The following PPP1R16B variants were observed in gnomAD, a reference collection of about 807,000 sequenced individuals.
PPP1R16B encodes the protein protein phosphatase 1 regulatory subunit 16B, also known as protein phosphatase 1 regulatory inhibitor subunit 16B.
In PPP1R16B, 14 loss-of-function variants were observed where a neutral mutation model predicts 61.7. That is an observed-to-expected ratio of 0.23 (90% CI 0.15 to 0.35). The LOEUF is 0.35. Ranked by LOEUF, PPP1R16B falls within the 10% of genes least tolerant of loss-of-function variation. The pLI, the probability that PPP1R16B is intolerant of heterozygous loss-of-function variation, is 1.00. For synonymous variants in PPP1R16B, 266 were observed against 305.3 expected (o/e 0.87, Z 1.34); for missense variants, 547 against 752.5 (o/e 0.73, Z 3.19).
chr20:38,827,388 C>T (rs1285768963), intron 1 of PPP1R16B, among the ~76,000 whole-genome samples: 7 of 152,350 alleles, frequency 4.6e-5, no homozygotes, highest in South Asian at 2.1e-4. Flanking sequence ...GTTGTTTCAT[C>T]ACTCTTTGTT....
intron 10 of PPP1R16B, among the ~76,000 whole-genome samples, chr20:38,912,930 C>T (rs183279154): frequency 2.0e-5 from 3 of 152,256 alleles, no homozygotes; most frequent in East Asian, 3.9e-4. Flanking sequence ...AGTGCAGTGG[C>T]GCAAACTTCG....
At position 38,921,617 on chromosome 20, in the gene PPP1R16B, G is replaced by C. The variant is rs2145793617; in HGVS notation, c.*2951G>C. The stretch of plus-strand genomic sequence containing the variant: ...TATAGATGCTGGATCTTGGGTTCCA[G>C]GCAGACATCATCCAGGTCCATCTGG... On this transcript the variant is annotated 3_prime_UTR_variant, in exon 11 of 11. Transcript: ENST00000299824. The C allele has an allele frequency of 6.6e-6, 1 of 152,310 alleles. No homozygotes were observed. Among genetic ancestry groups the C allele is most frequent in the Middle Eastern group, 3.4e-3 (1 of 294 alleles). 9.4% of individuals were successfully genotyped at this position (152,310 alleles called of 1,614,324 possible).
chr20:38,882,848 A>G (rs2085212706), intron 2 of PPP1R16B, among the ~76,000 whole-genome samples: 1 of 152,212 alleles, frequency 6.6e-6, no homozygotes, highest in Non-Finnish European at 1.5e-5. Context: ...AAGAATGGGA[A>G]GAAAGAAGGC....
chr20:38,907,983 T>A lies in PPP1R16B; in HGVS notation c.1029-45T>A, dbSNP rs769632986. ...AGGAGTCCCTGTGTGTGCTCCTGCC[T>A]GTGGTGCCTGGGTGCAGCCTCTAGG... On this transcript the variant is annotated intron_variant, in intron 9 of 10. Coordinates refer to ENST00000299824, the MANE Select transcript of PPP1R16B (RefSeq NM_015568.4). The surrounding 1 kb of genome is among the most constrained non-coding windows in gnomAD (Gnocchi z 4.5). The A allele has an allele frequency of 3.1e-6, 5 of 1,613,998 alleles. No individual in the cohort carries two copies. The highest frequency in any genetic ancestry group is 4.2e-6 in the Non-Finnish European group (5 of 1,179,912).
chr20:38,832,635 T>C (rs1326423358), intron 1 of PPP1R16B, among the ~76,000 whole-genome samples: 1 of 152,162 alleles, frequency 6.6e-6, no homozygotes, highest in Non-Finnish European at 1.5e-5. Context: ...AAAGTAAACA[T>C]GTGCCAGGCG....
intron 2 of PPP1R16B, among the ~76,000 whole-genome samples, chr20:38,873,707 C>G (rs1248193733): frequency 6.6e-6 from 1 of 151,326 alleles, no homozygotes; most frequent in Admixed American, 6.6e-5. Context: ...ACAGGTGATC[C>G]AAGGGGCAAG....
chr20:38,860,478 C>T (rs2145736591), intron 2 of PPP1R16B, among the ~76,000 whole-genome samples: 1 of 152,364 alleles, frequency 6.6e-6, no homozygotes, highest in East Asian at 1.9e-4. Context: ...GTGTCATGGC[C>T]ACACATGGCT....
intron 1 of PPP1R16B, among the ~76,000 whole-genome samples, chr20:38,829,069 C>T (rs1182637386): frequency 6.6e-6 from 1 of 152,156 alleles, no homozygotes; most frequent in Non-Finnish European, 1.5e-5. Flanking sequence ...TCTCTGCTTC[C>T]CCAGATATGC....
rs2145766445 is a variant in PPP1R16B at position 38,895,797 on chromosome 20, C to CCTTCTTTCTCTCCTCCCTCCCTCCTTT, written c.467+105_467+106insCCCTCCTTTCTTCTTTCTCTCCTCCCT. On this transcript the variant is annotated intron_variant, in intron 4 of 10. Transcript: ENST00000299824. Reference sequence around the variant, plus strand: ...TTCTTTCTCTCCTCCCTCCCTCCTTCCTTCTTTCTCTCCTCCCTTCCTCCT... The same window carrying CCTTCTTTCTCTCCTCCCTCCCTCCTTT: ...TTCTTTCTCTCCTCCCTCCCTCCTTCCTTCTTTCTCTCCTCCCTCCCTCCTTTCTTCTTTCTCTCCTCCCTTCCTCCT... 5.4e-6 allele frequency: 7 copies of CCTTCTTTCTCTCCTCCCTCCCTCCTTT among 1,305,520 alleles called. 2 individuals are homozygous for CCTTCTTTCTCTCCTCCCTCCCTCCTTT. In the African/African-American group the frequency reaches 1.1e-4, roughly 20 times the overall value. The allele number at this position is 1,305,520 out of a possible 1,614,324, so 80.9% of individuals were successfully genotyped here. A position where few individuals can be genotyped will look rare whatever the true frequency, so the allele number is the denominator to read the frequency against.
At chr20:38,840,491 G>C (rs552768688) in intron 2 of PPP1R16B, among the ~76,000 whole-genome samples, 161 of 152,180 alleles carry the variant, frequency 1.1e-3, no homozygotes, top group Non-Finnish European at 1.8e-3. Context: ...GGCGACGCCA[G>C]CTCCACCAAG....
At chr20:38,877,044 C>T (rs1412281039) in intron 2 of PPP1R16B, among the ~76,000 whole-genome samples, 1 of 152,098 alleles carries the variant, frequency 6.6e-6, no homozygotes, top group African/African-American at 2.4e-5. Context: ...ATATATCAAG[C>T]ATTTTCCCAT....
chr20:38,854,966 T>C (rs569002260), intron 2 of PPP1R16B, among the ~76,000 whole-genome samples: 64 of 152,234 alleles, frequency 4.2e-4, no homozygotes, highest in Non-Finnish European at 4.4e-4. Context: ...AGTATTCTTA[T>C]TGCAGTCATT....
chr20:38,826,138 G>T (rs1482730739), intron 1 of PPP1R16B, among the ~76,000 whole-genome samples: 1 of 152,228 alleles, frequency 6.6e-6, no homozygotes, highest in South Asian at 2.1e-4. Context: ...GAGTGTGTTC[G>T]GTAGCCACAG....
At chr20:38,828,961 G>A (rs958276715) in intron 1 of PPP1R16B, among the ~76,000 whole-genome samples, 4 of 152,152 alleles carry the variant, frequency 2.6e-5, no homozygotes, top group African/African-American at 4.8e-5. Flanking sequence ...TATTTTGGGC[G>A]ATGCTATTAT....
At chr20:38,809,301 G>A (rs947740558) in intron 1 of PPP1R16B, among the ~76,000 whole-genome samples, 13 of 152,082 alleles carry the variant, frequency 8.5e-5, no homozygotes, top group Non-Finnish European at 1.8e-4. Flanking sequence ...GCTTTTCCCC[G>A]GGGAGTCTGT....
rs906872631 is a variant in PPP1R16B at position 38,843,004 on chromosome 20, T to C, written c.250+6829T>C. ...TGGGAGGAAACAAATGGTGATTTTA[T>C]ATGGGGTGATTTGTGGAAAGTTTGA... is the stretch of plus-strand genomic sequence containing the variant. On this transcript the variant is annotated intron_variant, in intron 2 of 10. Transcript: ENST00000299824. Among the ~76,000 whole-genome samples the C allele has an allele frequency of 5.3e-5, 8 of 152,224 alleles. 1 individual carries two copies. The highest frequency in any genetic ancestry group is 1.2e-4 in the Non-Finnish European group (8 of 68,038).
intron 1 of PPP1R16B, among the ~76,000 whole-genome samples, chr20:38,809,755 A>G (rs2084686218): frequency 6.6e-6 from 1 of 152,148 alleles, no homozygotes; most frequent in Non-Finnish European, 1.5e-5. Flanking sequence ...AGAGGTGGGC[A>G]GACTGATTGA....
chr20:38,850,530 G>C (rs540853427), intron 2 of PPP1R16B, among the ~76,000 whole-genome samples: 1 of 152,094 alleles, frequency 6.6e-6, no homozygotes, highest in Non-Finnish European at 1.5e-5. Context: ...ATTTTTTTCT[G>C]ATGATGGAAA....
intron 2 of PPP1R16B, among the ~76,000 whole-genome samples, chr20:38,864,933 A>C (rs208814): frequency 6.6e-6 from 1 of 152,014 alleles, no homozygotes; most frequent in Non-Finnish European, 1.5e-5. Context: ...CTTAATTAGC[A>C]TGGCCTCCTT....
Sources: gnomAD v4.1 joint callset for allele counts (sites outside exome capture counted in the v4.1 genomes callset) on GRCh38, gnomAD v4.1.1 for gene constraint, Gnocchi (gnomAD v3.1) non-coding constraint, MANE v1.5 for transcripts, NCBI Gene and HGNC (gene_info 2026-07-23, HGNC 2026-07-21) for gene names.